Variants in PPME1 observed in about 807,000 individuals in gnomAD.
The protein encoded by PPME1 is testicular secretory protein Li 39.
PPME1 carries 17 observed loss-of-function variants against 56.9 expected under a neutral mutation model. The observed-to-expected ratio is 0.30, with a 90% CI of 0.20 to 0.45. PPME1 has a LOEUF of 0.45. PPME1 is among the 20% of genes least tolerant of loss of function. The pLI, the probability that PPME1 is intolerant of heterozygous loss-of-function variation, is 1.00. For missense variants in PPME1, 357 were observed against 483.2 expected (o/e 0.74, Z 2.45); for synonymous variants, 122 against 156.2 (o/e 0.78, Z 1.63).
chr11:74,201,806 G>A (rs962182604), intron 1 of PPME1, among the ~76,000 whole-genome samples: 5 of 152,272 alleles, frequency 3.3e-5, no homozygotes, highest in Middle Eastern at 3.4e-3. Context: ...TCCATGGATC[G>A]TTAGAATCCA....
chr11:74,242,803 C>T (rs56142225), intron 9 of PPME1, among the ~76,000 whole-genome samples: 14,630 of 146,798 alleles, frequency 0.1, 2,016 homozygotes, highest in African/African-American at 0.32. Flanking sequence ...CGCTTGAACC[C>T]GGGAGGCAGA....
At chr11:74,218,777 A>G (rs1410759722) in intron 3 of PPME1, among the ~76,000 whole-genome samples, 1 of 152,160 alleles carries the variant, frequency 6.6e-6, no homozygotes, top group East Asian at 1.9e-4. Flanking sequence ...TCAAACTATG[A>G]AAGTACTAAA....
At chr11:74,190,637 A>C (rs1309466975) in intron 1 of PPME1, among the ~76,000 whole-genome samples, 5 of 152,254 alleles carry the variant, frequency 3.3e-5, no homozygotes, top group African/African-American at 9.6e-5. Flanking sequence ...GAAGAGTAGG[A>C]TGTTGCTATA....
In PPME1 at chr11:74,230,916, A is replaced by G. The variant is rs777426481; in HGVS notation, c.558A>G (p.Thr186=). 1.3e-6 allele frequency: 2 copies of G among 1,598,058 alleles called. No individual in the cohort carries two copies. Among genetic ancestry groups the G allele is most frequent in the Non-Finnish European group, 1.7e-6 (2 of 1,171,284 alleles). Residue 186 remains threonine, a synonymous_variant, in exon 7 of 14, where the codon ACA becomes ACG. Transcript: ENST00000328257. This position sits in a 1 kb window ranked among gnomAD's most constrained non-coding sequence, Gnocchi z 4.9. ...CAGTTTTTGTTTAACATCCAGGTAC[A>G]GCTATGGATGCACTTAATAGCATGC... The part of the protein sequence containing the change: ...GLCMIDVVEG[T]AMDALNSMQN...
chr11:74,222,737 C>A, intron 4 of PPME1: 1 of 255,352 alleles, frequency 3.9e-6, no homozygotes. Context: ...GATCCATCCA[C>A]CTCAGCCTCC....
At chr11:74,235,628 C>T (rs1057380716) in intron 7 of PPME1, 8 of 374,256 alleles carry the variant, frequency 2.1e-5, no homozygotes, top group East Asian at 5.6e-5. Flanking sequence ...TTCTCCCTAC[C>T]GAATTATGTG....
At chr11:74,242,897 A>C (rs796215453) in intron 9 of PPME1, among the ~76,000 whole-genome samples, 4 of 150,828 alleles carry the variant, frequency 2.7e-5, no homozygotes, top group African/African-American at 9.9e-5. Flanking sequence ...AAAAAAAAAA[A>C]AAAAAACAGG....
At chr11:74,210,076 A>G (rs761992469) in intron 3 of PPME1, among the ~76,000 whole-genome samples, 16 of 152,190 alleles carry the variant, frequency 1.1e-4, no homozygotes, top group Admixed American at 1.3e-4. Flanking sequence ...ATACATACAT[A>G]CGTAAATATT....
chr11:74,186,595 G>GT (rs1374567440), intron 1 of PPME1, among the ~76,000 whole-genome samples: 2 of 152,080 alleles, frequency 1.3e-5, no homozygotes, highest in Admixed American at 1.3e-4. Context: ...TAATTCCTGT[G>GT]TTTATCTCCA....
chr11:74,214,569 A>T (rs1858573449), intron 3 of PPME1, among the ~76,000 whole-genome samples: 1 of 152,184 alleles, frequency 6.6e-6, no homozygotes, highest in Non-Finnish European at 1.5e-5. Flanking sequence ...TTCTAAAAGC[A>T]GAAAGAGAAA....
chr11:74,183,702 T>TCTATTC (rs1857599078), intron 1 of PPME1, among the ~76,000 whole-genome samples: 3 of 152,210 alleles, frequency 2.0e-5, no homozygotes, highest in African/African-American at 7.2e-5. Context: ...ATTCTTTTTC[T>TCTATTC]TAGCTTTTCA....
rs977043065 is a variant in PPME1, at chr11:74,253,926, T to C, written c.*416T>C. 3.9e-6 allele frequency: 1 copy of C among 256,692 alleles called. No homozygotes were observed. The highest frequency in any genetic ancestry group is 2.2e-5 in the African/African-American group (1 of 45,114). The allele number at this position is 256,692 out of a possible 1,614,324, so 15.9% of individuals were successfully genotyped here. On this transcript the variant is annotated 3_prime_UTR_variant, in exon 14 of 14. Transcript: ENST00000328257. Reference sequence around the variant, plus strand: ...CTTGGCATGGCCCAGCCCTGCCTCATGGGATGGACAATGCATGGGGTGGTC... The same window carrying C: ...CTTGGCATGGCCCAGCCCTGCCTCACGGGATGGACAATGCATGGGGTGGTC...
chr11:74,220,128 G>A (rs1224538208), intron 3 of PPME1, among the ~76,000 whole-genome samples: 1 of 152,004 alleles, frequency 6.6e-6, no homozygotes, highest in Admixed American at 6.6e-5. Flanking sequence ...ATATATTTGT[G>A]GGGATACCTA....
intron 1 of PPME1, among the ~76,000 whole-genome samples, chr11:74,177,445 T>A (rs1034088482): frequency 3.4e-5 from 5 of 148,876 alleles, no homozygotes; most frequent in Non-Finnish European, 1.5e-5. Flanking sequence ...TGAGACTTTG[T>A]CTCAAAAAAA....
chr11:74,190,782 G>C (rs548214599), intron 1 of PPME1, among the ~76,000 whole-genome samples: 1 of 152,342 alleles, frequency 6.6e-6, no homozygotes, highest in South Asian at 2.1e-4. Context: ...AAATAATTTT[G>C]ACCAAAATGC....
rs545986407 is a variant in PPME1, at chr11:74,253,783, C to T, written c.*273C>T. On this transcript the variant is annotated 3_prime_UTR_variant, in exon 14 of 14. Coordinates refer to ENST00000328257, the MANE Select transcript of PPME1 (RefSeq NM_016147.3). ...GGGTAGCTCCTGCCTGCTCTCCCTG[C>T]GTTGCCTAGGGTAAAGCCTCCAGAT... 31 of 561,748 alleles carry T rather than the reference C, an allele frequency of 5.5e-5. No homozygotes were observed. The highest frequency in any genetic ancestry group is 8.2e-5 in the Non-Finnish European group (26 of 315,998). The allele number at this position is 561,748 out of a possible 1,614,324, so 34.8% of individuals were successfully genotyped here.
At chr11:74,209,525 G>T (rs566700026) in intron 3 of PPME1, among the ~76,000 whole-genome samples, 8 of 152,316 alleles carry the variant, frequency 5.3e-5, no homozygotes, top group Non-Finnish European at 1.0e-4. Flanking sequence ...ACACTGTAAA[G>T]TTCTGGTGAG....
At chr11:74,183,720 A>G (rs1857599552) in intron 1 of PPME1, among the ~76,000 whole-genome samples, 1 of 152,224 alleles carries the variant, frequency 6.6e-6, no homozygotes. Flanking sequence ...TCATCTTACA[A>G]ATTGATGGTG....
intron 1 of PPME1, among the ~76,000 whole-genome samples, chr11:74,195,222 T>C (rs1454099672): frequency 6.6e-6 from 1 of 152,244 alleles, no homozygotes; most frequent in Non-Finnish European, 1.5e-5. Flanking sequence ...GAAACCTGTT[T>C]GTCTCTCCTC....
Sources: allele counts gnomAD v4.1 joint callset (sites outside exome capture counted in the v4.1 genomes callset), GRCh38; gene constraint gnomAD v4.1.1; non-coding constraint Gnocchi (gnomAD v3.1); transcripts MANE v1.5; gene names NCBI Gene and HGNC (gene_info 2026-07-23, HGNC 2026-07-21).